Variants in RUBCNL observed in about 807,000 individuals in gnomAD.
RUBCNL encodes the protein rubicon like autophagy enhancer, also known as protein associated with UVRAG as autophagy enhancer.
RUBCNL carries 62 observed loss-of-function variants against 69.5 expected under a neutral mutation model. The ratio of observed to expected loss-of-function variants is 0.89; its 90% CI spans 0.73 to 1.10. The LOEUF (loss-of-function observed/expected upper bound fraction) is 1.10. RUBCNL is among the 50% of genes least tolerant of loss of function. The probability of loss-of-function intolerance (pLI) is 0.00; values close to 1 mark genes in which losing one functional copy is unlikely to be tolerated. For missense variants in RUBCNL, 768 were observed against 798.1 expected, an observed-to-expected ratio of 0.96 and a Z score of 0.45; for synonymous variants, 291 against 303.6, an observed-to-expected ratio of 0.96 and a Z score of 0.43.
chr13:46,344,758 G>A lies in RUBCNL; in HGVS notation c.1859C>T (p.Thr620Ile). ...TTVIFPFQTA[T>I]CRRCSACRAC... Reference sequence around the variant, plus strand: ...TTAAATACCTGAACATCTTCTACATGTTGCTGTCTGAAATGGGAAGATGAC... The same window carrying A: ...TTAAATACCTGAACATCTTCTACATATTGCTGTCTGAAATGGGAAGATGAC... Residue 620 changes from threonine (T) to isoleucine (I), a missense_variant, in exon 14 of 15, where the codon ACA becomes ATA. Thr to Ile is a moderately conservative substitution (Grantham distance 89). Transcript: ENST00000429979. 6.2e-7 allele frequency: 1 copy of A among 1,608,266 alleles called. No individual in the cohort carries two copies. Among genetic ancestry groups the A allele is most frequent in the Non-Finnish European group, 8.5e-7 (1 of 1,176,212 alleles).
Position 46,352,281 on chromosome 13 carries a change from T to C in RUBCNL, c.1331-1930A>G, listed in dbSNP as rs537813317. On this transcript the variant is annotated intron_variant, in intron 10 of 14. Coordinates refer to ENST00000429979, the MANE Select transcript of RUBCNL (RefSeq NM_025113.5). The stretch of plus-strand genomic sequence containing the variant: ...GAAAGAAAACAATTCAGTTGAAGTC[T>C]TCTATGTGCCCCTCCCTCAACACTA... Among the ~76,000 whole-genome samples, 4 of 152,384 alleles carry C rather than the reference T, an allele frequency of 2.6e-5. No homozygotes were observed. The South Asian group carries it at 8.3e-4, about 32-fold the overall frequency.
At chr13:46,388,028 A>G (rs2138872988), upstream of RUBCNL, 1 of 168,260 alleles carries the variant, frequency 5.9e-6, no homozygotes, top group Admixed American at 6.5e-5. Flanking sequence ...CCTGGCCAAC[A>G]TGGTGAAAGC....
chr13:46,339,046 CAAAAA>C lies in RUBCNL; in HGVS notation c.*4334_*4338del, dbSNP rs57707207. On this transcript the variant is annotated 3_prime_UTR_variant, in exon 15 of 15. Transcript: ENST00000429979. ...TGGGCGACAGAGCGAGACCCTGTCT[CAAAAA>C]AAAAAAAAAAAGTGCAAGGAAAAAT... 7.8e-6 allele frequency among the ~76,000 whole-genome samples: 1 copy of C among 128,850 alleles called. No homozygotes were observed. The highest frequency in any genetic ancestry group is 1.7e-5 in the Non-Finnish European group (1 of 58,616). The allele number at this position is 128,850 out of a possible 152,430, so 84.5% of individuals were successfully genotyped here. A position where few individuals can be genotyped will look rare whatever the true frequency, so the allele number is the denominator to read the frequency against.
rs948135908 is a variant in RUBCNL at position 46,343,381 on chromosome 13, G to C, written c.*4C>G. 15 of 1,612,316 alleles carry C rather than the reference G, an allele frequency of 9.3e-6. No individual in the cohort carries two copies. The African/African-American group carries it at 1.3e-4, about 14-fold the overall frequency. ...AACAGTCTTTTTCACAGTACTCAGGGGCATCATGTTGCTGCAGAGGCCACA... is the reference window on the plus strand; with the variant it reads ...AACAGTCTTTTTCACAGTACTCAGGCGCATCATGTTGCTGCAGAGGCCACA... On this transcript the variant is annotated 3_prime_UTR_variant, in exon 15 of 15. Coordinates refer to ENST00000429979, the MANE Select transcript of RUBCNL (RefSeq NM_025113.5).
intron 3 of RUBCNL, among the ~76,000 whole-genome samples, chr13:46,371,392 T>C (rs2048871831): frequency 1.3e-5 from 2 of 152,186 alleles, no homozygotes; most frequent in South Asian, 4.1e-4. Flanking sequence ...AATTTTAGGG[T>C]CTTAGGAATA....
At chr13:46,375,229 C>T (rs956796989) in intron 2 of RUBCNL, among the ~76,000 whole-genome samples, 14 of 152,002 alleles carry the variant, frequency 9.2e-5, no homozygotes, top group African/African-American at 3.4e-4. Context: ...AAAATGGAGA[C>T]AAAGTTAAGA....
chr13:46,367,357 A>G (rs539636404), intron 5 of RUBCNL, among the ~76,000 whole-genome samples: 13 of 152,344 alleles, frequency 8.5e-5, no homozygotes, highest in Admixed American at 8.5e-4. Flanking sequence ...TGAAAAAAAG[A>G]AGATTCATTG....
chr13:46,359,251 T>G (rs2048557538), intron 9 of RUBCNL, among the ~76,000 whole-genome samples: 1 of 151,684 alleles, frequency 6.6e-6, no homozygotes, highest in South Asian at 2.1e-4. Context: ...TAGGGTTGCA[T>G]AGCTGAATTC....
At chr13:46,368,934 A>C in intron 3 of RUBCNL, 119 bp from the exon 4 acceptor site, 1 of 713,268 alleles carries the variant, frequency 1.4e-6, no homozygotes, top group East Asian at 2.6e-5. Flanking sequence ...ACAATTCTAG[A>C]ATAAATTCAG....
intron 1 of RUBCNL, chr13:46,385,216 G>A (rs929287580): frequency 1.8e-5 from 16 of 901,782 alleles, no homozygotes; most frequent in Non-Finnish European, 2.0e-5. Context: ...ATTGCAGAAA[G>A]ACTTTCAGTT....
At chr13:46,375,429 A>C (rs960765175) in intron 2 of RUBCNL, among the ~76,000 whole-genome samples, 5 of 152,178 alleles carry the variant, frequency 3.3e-5, no homozygotes, top group Non-Finnish European at 7.3e-5. Context: ...GCTACTGAGG[A>C]GGCTGAGGCA....
At chr13:46,388,515 A>AAAGGAAGG (rs371200082), upstream of RUBCNL, among the ~76,000 whole-genome samples, 1 of 147,812 alleles carries the variant, frequency 6.8e-6, no homozygotes, top group Admixed American at 6.7e-5. Context: ...AGAAAAGTAG[A>AAAGGAAGG]AAGGAAGGAA....
chr13:46,347,190 G>A (rs2048264388), intron 12 of RUBCNL, among the ~76,000 whole-genome samples: 1 of 152,116 alleles, frequency 6.6e-6, no homozygotes, highest in African/African-American at 2.4e-5. Flanking sequence ...CGGATCACCT[G>A]AGGTCGGGAG....
At chr13:46,347,180 C>A (rs2048264096) in intron 12 of RUBCNL, among the ~76,000 whole-genome samples, 1 of 151,946 alleles carries the variant, frequency 6.6e-6, no homozygotes, top group Non-Finnish European at 1.5e-5. Context: ...CTGAGGCAGG[C>A]GGATCACCTG....
chr13:46,351,848 A>C (rs2048376163), intron 10 of RUBCNL, among the ~76,000 whole-genome samples: 1 of 54,820 alleles, frequency 1.8e-5, no homozygotes, highest in Non-Finnish European at 3.4e-5. Flanking sequence ...TTTTTTTTTG[A>C]GAAGGAGTCT....
At chr13:46,361,835 C>T (rs2048618005) in intron 7 of RUBCNL, among the ~76,000 whole-genome samples, 1 of 152,188 alleles carries the variant, frequency 6.6e-6, no homozygotes, top group Non-Finnish European at 1.5e-5. Context: ...AGAAGACCTG[C>T]ATTCAAGCCC....
intron 3 of RUBCNL, among the ~76,000 whole-genome samples, chr13:46,369,657 C>T (rs1374793825): frequency 2.0e-5 from 3 of 152,202 alleles, no homozygotes; most frequent in African/African-American, 7.2e-5. Flanking sequence ...CCCTTAGCCA[C>T]TCCATTACTG....
intron 2 of RUBCNL, among the ~76,000 whole-genome samples, chr13:46,375,755 G>A (rs2138821159): frequency 6.6e-6 from 1 of 152,140 alleles, no homozygotes; most frequent in Admixed American, 6.5e-5. Context: ...TTCTTGATTT[G>A]AGGGCCCTAT....
chr13:46,348,153 A>G (rs1463396706), intron 12 of RUBCNL, among the ~76,000 whole-genome samples: 1 of 152,180 alleles, frequency 6.6e-6, no homozygotes, highest in Non-Finnish European at 1.5e-5. Flanking sequence ...CAGAAAGTAG[A>G]ATAGTGGCTG....
Sources: gnomAD v4.1 joint callset for allele counts (sites outside exome capture counted in the v4.1 genomes callset) on GRCh38, gnomAD v4.1.1 for gene constraint, MANE v1.5 for transcripts, NCBI Gene and HGNC (gene_info 2026-07-23, HGNC 2026-07-21) for gene names.